The following CTNNA2 variants were observed in gnomAD, a reference collection of about 807,000 sequenced individuals.
CTNNA2 encodes the protein catenin alpha 2.
Under a neutral mutation model 101.0 loss-of-function variants are expected in CTNNA2, and 42 were observed. The ratio of observed to expected loss-of-function variants is 0.42; its 90% CI spans 0.32 to 0.54. The LOEUF (loss-of-function observed/expected upper bound fraction) is 0.54, where lower values mean the gene tolerates loss of function less well. Among genes scored for constraint, CTNNA2 ranks in the 20% least tolerant of loss-of-function variants. CTNNA2 has a pLI of 0.14. For synonymous variants in CTNNA2, 450 were observed against 456.4 expected, an observed-to-expected ratio of 0.99 and a Z score of 0.18; for missense variants, 871 against 1,223.1, an observed-to-expected ratio of 0.71 and a Z score of 4.29.
chr2:79,301,719 A>G (rs953096799), intron 2 of CTNNA2, among the ~76,000 whole-genome samples: 9 of 152,176 alleles, frequency 5.9e-5, no homozygotes, highest in Middle Eastern at 3.4e-3. Flanking sequence ...AGCTTTCCCA[A>G]TAGGAGACTA....
chr2:79,747,068 C>T (rs757058363), intron 3 of CTNNA2, among the ~76,000 whole-genome samples: 1 of 152,172 alleles, frequency 6.6e-6, no homozygotes, highest in Non-Finnish European at 1.5e-5. Context: ...TCCACACTAA[C>T]AAATACTGTT....
intron 2 of CTNNA2, among the ~76,000 whole-genome samples, chr2:79,672,098 T>TA (rs891980792): frequency 7.9e-5 from 12 of 151,980 alleles, no homozygotes; most frequent in South Asian, 4.1e-4. Flanking sequence ...CTATTTTCTA[T>TA]AAAAAAAAGT....
At chr2:79,536,569 A>G (rs929030603) in intron 1 of CTNNA2, among the ~76,000 whole-genome samples, 2 of 51,578 alleles carry the variant, frequency 3.9e-5, no homozygotes, top group African/African-American at 1.1e-4. Flanking sequence ...AAATATCTCT[A>G]AAGAAGTGTG....
chr2:79,815,760 A>G (rs1677440868), intron 3 of CTNNA2, among the ~76,000 whole-genome samples: 1 of 147,992 alleles, frequency 6.8e-6, no homozygotes, highest in Non-Finnish European at 1.5e-5. Flanking sequence ...TTGGTTCCAT[A>G]TGAATTTTAG....
At chr2:80,250,787 T>C (rs1262569056) in intron 7 of CTNNA2, among the ~76,000 whole-genome samples, 1 of 152,178 alleles carries the variant, frequency 6.6e-6, no homozygotes, top group Non-Finnish European at 1.5e-5. Flanking sequence ...ATTTAGTGAC[T>C]TTGGGCAATA....
intron 4 of CTNNA2, among the ~76,000 whole-genome samples, chr2:79,383,817 G>A (rs1678067196): frequency 6.6e-6 from 1 of 152,174 alleles, no homozygotes; most frequent in Admixed American, 6.5e-5. Flanking sequence ...TGCTGAAATT[G>A]GGGGTCTGGA....
At chr2:80,620,912 A>T (rs1470437716) in intron 18 of CTNNA2, among the ~76,000 whole-genome samples, 3 of 151,944 alleles carry the variant, frequency 2.0e-5, no homozygotes, top group African/African-American at 4.8e-5. Context: ...TCTATCATGG[A>T]ATGCATTGTG....
chr2:80,588,254 G>A (rs546390431), intron 14 of CTNNA2, among the ~76,000 whole-genome samples: 35 of 152,252 alleles, frequency 2.3e-4, no homozygotes, highest in South Asian at 6.2e-4. Context: ...GACACTAGAC[G>A]CACTTCAGCA....
At chr2:79,656,986 G>A (rs1681655962) in intron 2 of CTNNA2, among the ~76,000 whole-genome samples, 1 of 151,604 alleles carries the variant, frequency 6.6e-6, no homozygotes, top group African/African-American at 2.4e-5. Context: ...CATCAGTATA[G>A]AATTTTAGCT....
At chr2:80,221,669 G>T (rs926693047) in intron 7 of CTNNA2, among the ~76,000 whole-genome samples, 1 of 152,102 alleles carries the variant, frequency 6.6e-6, no homozygotes, top group Non-Finnish European at 1.5e-5. Context: ...AAATTTCATG[G>T]AAGAAGGGTG....
chr2:80,225,225 G>A (rs1241068183), intron 7 of CTNNA2, among the ~76,000 whole-genome samples: 1 of 152,060 alleles, frequency 6.6e-6, no homozygotes, highest in African/African-American at 2.4e-5. Flanking sequence ...GGCTACATTT[G>A]GAAAAGAAAT....
intron 9 of CTNNA2, among the ~76,000 whole-genome samples, chr2:80,529,591 C>T (rs1023298320): frequency 6.6e-6 from 1 of 152,120 alleles, no homozygotes; most frequent in Admixed American, 6.5e-5. Context: ...TTGGTGTTCA[C>T]ACAATGAGTA....
Position 79,705,893 on chromosome 2 carries a change from G to T in CTNNA2, c.103-38494G>T, listed in dbSNP as rs147378059. Among the ~76,000 whole-genome samples, 709 of 152,218 alleles carry T rather than the reference G, an allele frequency of 4.7e-3. 5 individuals carry two copies. The highest frequency in any genetic ancestry group is 0.016 in the African/African-American group (672 of 41,520). On this transcript the variant is annotated intron_variant, in intron 2 of 18. Transcript: ENST00000402739. ...GGGAGATTAAGAGATAAATAATTAT[G>T]AATCAATAAGTAGTTAGAGAACAAG... is the stretch of plus-strand genomic sequence containing the variant.
chr2:79,559,412 G>A (rs1356507036), intron 1 of CTNNA2, among the ~76,000 whole-genome samples: 1 of 151,932 alleles, frequency 6.6e-6, no homozygotes, highest in Non-Finnish European at 1.5e-5. Context: ...TGCCATGTCT[G>A]AGAACCACTG....
chr2:79,802,029 A>G (rs1235606109), intron 3 of CTNNA2, among the ~76,000 whole-genome samples: 1 of 151,468 alleles, frequency 6.6e-6, no homozygotes, highest in East Asian at 1.9e-4. Context: ...AAAGAAAGAA[A>G]GAAAAAAAGC....
intron 5 of CTNNA2, among the ~76,000 whole-genome samples, chr2:79,873,313 A>G (rs1682732577): frequency 6.6e-6 from 1 of 152,140 alleles, no homozygotes; most frequent in African/African-American, 2.4e-5. Flanking sequence ...TATCTCAGCA[A>G]TATTTTATTG....
intron 2 of CTNNA2, among the ~76,000 whole-genome samples, chr2:79,678,980 A>G (rs2861857): frequency 0.6 from 90,643 of 151,904 alleles, 27,371 homozygotes; most frequent in East Asian, 0.86. Context: ...CTCTCCCTCC[A>G]CTGTTCAGAT....
At chr2:80,239,970 TA>T (rs1251541156) in intron 7 of CTNNA2, among the ~76,000 whole-genome samples, 2 of 151,938 alleles carry the variant, frequency 1.3e-5, no homozygotes, top group Non-Finnish European at 2.9e-5. Flanking sequence ...TATACTGTAA[TA>T]AAAGCTGTGT....
In CTNNA2 at chr2:79,211,353, C is replaced by T. The variant is rs565245465; in HGVS notation, c.-406+13277C>T. Among the ~76,000 whole-genome samples, 10 of 152,232 alleles carry T rather than the reference C, an allele frequency of 6.6e-5. No homozygotes were observed. In the South Asian group the frequency reaches 1.9e-3, roughly 28 times the overall value. The stretch of plus-strand genomic sequence containing the variant: ...GACAACAAGGGAAACTTTTCATGCG[C>T]GTCCGTGAGAAGAGACCACCAAACA... On this transcript the variant is annotated intron_variant, in intron 2 of 21. Transcript: ENST00000466387.
Sources: gnomAD v4.1 joint callset for allele counts (sites outside exome capture counted in the v4.1 genomes callset) on GRCh38, gnomAD v4.1.1 for gene constraint, MANE v1.5 for transcripts, NCBI Gene and HGNC (gene_info 2026-07-23, HGNC 2026-07-21) for gene names.